KMT2C: variants seen among roughly 807,000 people sequenced by gnomAD.
KMT2C encodes the protein histone-lysine N-methyltransferase 2C.
A neutral mutation model predicts 507.9 loss-of-function variants in KMT2C; 88 were observed. That is an observed-to-expected ratio of 0.17 (90% confidence interval 0.15 to 0.21). The LOEUF is 0.21. Ranked by LOEUF, KMT2C falls within the 10% of genes least tolerant of loss-of-function variation. The pLI, the probability that KMT2C is intolerant of heterozygous loss-of-function variation, is 1.00. For missense variants in KMT2C, 4,954 were observed against 5,957.8 expected (o/e 0.83, Z 5.55); for synonymous variants, 2,049 against 2,080.8 (o/e 0.98, Z 0.42).
At chr7:152,310,813 T>C (rs142523638) in intron 5 of KMT2C, among the ~76,000 whole-genome samples, 5 of 152,152 alleles carry the variant, frequency 3.3e-5, no homozygotes, top group African/African-American at 4.8e-5. Flanking sequence ...CCTTGCCAAA[T>C]AGCTGGGACT....
chr7:152,320,485 G>A (rs1436390334), intron 3 of KMT2C, among the ~76,000 whole-genome samples: 4 of 151,442 alleles, frequency 2.6e-5, no homozygotes, highest in Non-Finnish European at 5.9e-5. Context: ...CTGGCCTCAG[G>A]TGATCCACCT....
At chr7:152,301,228 G>T (rs1033448489) in intron 6 of KMT2C, among the ~76,000 whole-genome samples, 34 of 151,642 alleles carry the variant, frequency 2.2e-4, no homozygotes, top group Non-Finnish European at 3.4e-4. Flanking sequence ...AAGTTGGCCG[G>T]GTGTGATGGA....
At chr7:152,182,667 C>T in intron 35 of KMT2C, 73 bp from the exon 36 acceptor site, 1 of 1,333,778 alleles carries the variant, frequency 7.5e-7, no homozygotes, top group South Asian at 1.5e-5. Flanking sequence ...GGGGAAAAAG[C>T]AACAGAAAGT....
intron 7 of KMT2C, 57 bp downstream of exon 7, chr7:152,273,648 G>T: frequency 1.2e-6 from 2 of 1,609,370 alleles, no homozygotes; most frequent in Admixed American, 3.4e-5. Flanking sequence ...TACAACATTT[G>T]TTATTTTCAG....
At chr7:152,264,954 A>G (rs575724722) in intron 8 of KMT2C, 84 bp downstream of exon 8, 26 of 1,488,988 alleles carry the variant, frequency 1.7e-5, no homozygotes, top group Non-Finnish European at 1.8e-6. Context: ...AACAACCTCT[A>G]TTATATTACA....
At chr7:152,209,690 T>C (rs1224363529) in intron 23 of KMT2C, among the ~76,000 whole-genome samples, 3 of 148,604 alleles carry the variant, frequency 2.0e-5, no homozygotes, top group African/African-American at 7.5e-5. Flanking sequence ...CAGTGAGTTA[T>C]GATCACACTA....
At chr7:152,157,494 AG>A (rs949107375) in intron 44 of KMT2C, among the ~76,000 whole-genome samples, 3 of 152,204 alleles carry the variant, frequency 2.0e-5, no homozygotes, top group African/African-American at 7.2e-5. Context: ...GTGTTAATAA[AG>A]GTTATAAGGA....
rs181405152 is a variant in KMT2C, at chr7:152,316,200, G to A, written c.390-862C>T. Among the ~76,000 whole-genome samples, 4 of 152,164 alleles carry A rather than the reference G, an allele frequency of 2.6e-5. No individual in the cohort carries two copies. In the East Asian group the frequency reaches 7.7e-4, roughly 29 times the overall value. ...ATTAGGAGCAAAGGGGATTTTTTAG[G>A]CCAGTGAAACCATTTTATATGATAC... is the stretch of plus-strand genomic sequence containing the variant. On this transcript the variant is annotated intron_variant, in intron 3 of 58. Coordinates refer to ENST00000262189, the MANE Select transcript of KMT2C (RefSeq NM_170606.3).
At chr7:152,369,364 A>C (rs1372221793) in intron 1 of KMT2C, among the ~76,000 whole-genome samples, 3 of 152,154 alleles carry the variant, frequency 2.0e-5, no homozygotes, top group African/African-American at 7.2e-5. Flanking sequence ...ATGGCAAATT[A>C]TATTTTGTGT....
intron 23 of KMT2C, among the ~76,000 whole-genome samples, chr7:152,213,450 G>C (rs1285243307): frequency 2.6e-5 from 4 of 152,048 alleles, no homozygotes; most frequent in Non-Finnish European, 4.4e-5. Flanking sequence ...AGTCCAATAA[G>C]ATACAATAGG....
At position 152,435,843 on chromosome 7, in the gene KMT2C, G is replaced by A. The variant is rs111750563; in HGVS notation, c.-57C>T. On this transcript the variant is annotated 5_prime_UTR_variant, in exon 1 of 59. Coordinates refer to ENST00000262189, the MANE Select transcript of KMT2C (RefSeq NM_170606.3). ...GTCCTCCTCCTGGGGGGCTCCCGCC[G>A]CCGCGGCCGCCGCCGCCGCCGCTGC... 115 of 1,343,670 alleles carry A rather than the reference G, an allele frequency of 8.6e-5. No homozygotes were observed. The African/African-American group carries it at 1.5e-3, about 17-fold the overall frequency. 83.2% of individuals were successfully genotyped at this position (1,343,670 alleles called of 1,614,324 possible).
intron 3 of KMT2C, among the ~76,000 whole-genome samples, chr7:152,330,256 A>C (rs1178480397): frequency 2.0e-5 from 3 of 152,096 alleles, no homozygotes; most frequent in African/African-American, 7.2e-5. Context: ...GTAAGGAACA[A>C]AACTATCAAC....
intron 33 of KMT2C, 44 bp downstream of exon 33, chr7:152,187,218 T>C (rs1460357981): frequency 2.0e-6 from 3 of 1,508,240 alleles, no homozygotes; most frequent in Admixed American, 1.7e-5. Flanking sequence ...GTATTGCACA[T>C]GTGAAAATGT....
At chr7:152,297,051 A>AAGAAAGAAAGAAAGAG (rs1356233143) in intron 6 of KMT2C, among the ~76,000 whole-genome samples, 5 of 60,240 alleles carry the variant, frequency 8.3e-5, no homozygotes, top group Admixed American at 3.7e-4. Flanking sequence ...GAAAGAAAGA[A>AAGAAAGAAAGAAAGAG]AGACAGAGAG....
chr7:152,259,136 C>T (rs940116966), intron 9 of KMT2C, among the ~76,000 whole-genome samples: 3 of 151,842 alleles, frequency 2.0e-5, no homozygotes, highest in South Asian at 2.1e-4. Flanking sequence ...ACAAGTATAT[C>T]GAGAAGAACT....
chr7:152,197,100 G>A (rs762148082), intron 27 of KMT2C, among the ~76,000 whole-genome samples: 2 of 152,148 alleles, frequency 1.3e-5, no homozygotes, highest in Non-Finnish European at 2.9e-5. Flanking sequence ...AATTAGAGAG[G>A]GGCTGGTAAG....
At chr7:152,429,583 T>C (rs1564228795) in intron 1 of KMT2C, among the ~76,000 whole-genome samples, 2 of 151,798 alleles carry the variant, frequency 1.3e-5, no homozygotes, top group Non-Finnish European at 2.9e-5. Context: ...TGCAATAGCA[T>C]GATCTCAGCT....
At chr7:152,255,114 T>TATATATAC (rs1236722606) in intron 9 of KMT2C, among the ~76,000 whole-genome samples, 3 of 89,780 alleles carry the variant, frequency 3.3e-5, no homozygotes, top group East Asian at 3.0e-4. Context: ...CTCACTTATA[T>TATATATAC]ATATATATAT....
intron 31 of KMT2C, among the ~76,000 whole-genome samples, chr7:152,191,575 T>A (rs1422952658): frequency 1.3e-5 from 2 of 152,208 alleles, no homozygotes; most frequent in Non-Finnish European, 2.9e-5. Flanking sequence ...CCCAAATTTA[T>A]TCCCAATATT....
Sources: gnomAD v4.1 joint callset for allele counts (sites outside exome capture counted in the v4.1 genomes callset) on GRCh38, gnomAD v4.1.1 for gene constraint, MANE v1.5 for transcripts, NCBI Gene and HGNC (gene_info 2026-07-23, HGNC 2026-07-21) for gene names.